TNFRSF21: variants seen among roughly 807,000 people sequenced by gnomAD.
TNFRSF21 encodes tumor necrosis factor receptor superfamily member 21.
Under a neutral mutation model 45.6 loss-of-function variants are expected in TNFRSF21, and 19 were observed. The ratio of observed to expected loss-of-function variants is 0.42; its 90% confidence interval spans 0.29 to 0.61. TNFRSF21 has a LOEUF of 0.61. Among genes scored for constraint, TNFRSF21 ranks in the 20% least tolerant of loss-of-function variants. The pLI, the probability that TNFRSF21 is intolerant of heterozygous loss-of-function variation, is 0.23. For missense variants in TNFRSF21, 737 were observed against 851.5 expected (o/e 0.87, Z 1.67); for synonymous variants, 314 against 335.5 (o/e 0.94, Z 0.70).
chr6:47,232,990 C>T lies in TNFRSF21; in HGVS notation c.1743G>A (p.Lys581=). ...GTACCTGCCGCAACACTGTGTCCTT[C>T]TTTTCTGCAGAGAAGAGAGGGAAGC... ...SRNGSFITKE[K]KDTVLRQVRL... Residue 581 remains lysine (K), a synonymous_variant, in exon 6 of 6, where the codon AAG becomes AAA. Coordinates refer to ENST00000296861, the MANE Select transcript of TNFRSF21 (RefSeq NM_014452.5). The T allele has an allele frequency of 1.2e-6, 2 of 1,614,146 alleles. No individual in the cohort carries two copies. Among genetic ancestry groups the T allele is most frequent in the East Asian group, 2.2e-5 (1 of 44,886 alleles).
At chr6:47,306,371 C>T (rs368448880) in intron 1 of TNFRSF21, among the ~76,000 whole-genome samples, 20 of 152,322 alleles carry the variant, frequency 1.3e-4, no homozygotes, top group Non-Finnish European at 2.5e-4. Context: ...TTGTGAAACA[C>T]GCAGTGTGGC....
chr6:47,254,585 T>C (rs1764953223), intron 3 of TNFRSF21, among the ~76,000 whole-genome samples: 1 of 152,164 alleles, frequency 6.6e-6, no homozygotes, highest in Non-Finnish European at 1.5e-5. Flanking sequence ...CAGAACTGTC[T>C]AGGTAAAAGG....
At chr6:47,254,384 T>C (rs1483220440) in intron 3 of TNFRSF21, among the ~76,000 whole-genome samples, 1 of 152,206 alleles carries the variant, frequency 6.6e-6, no homozygotes, top group Non-Finnish European at 1.5e-5. Context: ...GAATTTCCCA[T>C]TTAGTATTTT....
chr6:47,300,038 C>T (rs896038281), intron 1 of TNFRSF21, among the ~76,000 whole-genome samples: 4 of 152,234 alleles, frequency 2.6e-5, no homozygotes, highest in African/African-American at 9.6e-5. Flanking sequence ...TTCATTAGTG[C>T]TGCTTGCAGT....
chr6:47,277,722 A>C (rs1762517531), intron 3 of TNFRSF21, among the ~76,000 whole-genome samples: 1 of 152,212 alleles, frequency 6.6e-6, no homozygotes, highest in Admixed American at 6.5e-5. Flanking sequence ...CTAACATTAT[A>C]AACAGAGGCC....
intron 1 of TNFRSF21, among the ~76,000 whole-genome samples, chr6:47,289,415 A>C (rs1762690199): frequency 6.6e-6 from 1 of 152,164 alleles, no homozygotes; most frequent in Non-Finnish European, 1.5e-5. Flanking sequence ...TACAGAAAAC[A>C]AATTTTCAGC....
In TNFRSF21 at chr6:47,232,622, TAAAC is replaced by T; in HGVS notation, c.*139_*142del. 3.7e-6 allele frequency: 2 copies of T among 542,830 alleles called. No homozygotes were observed. Among genetic ancestry groups the T allele is most frequent in the East Asian group, 6.2e-5 (2 of 32,248 alleles). 33.6% of individuals were successfully genotyped at this position (542,830 alleles called of 1,614,324 possible). On this transcript the variant is annotated 3_prime_UTR_variant, in exon 6 of 6. Coordinates refer to ENST00000296861, the MANE Select transcript of TNFRSF21 (RefSeq NM_014452.5). The stretch of plus-strand genomic sequence containing the variant: ...CTCAAGCACTGGCCATATTCTCTGT[TAAAC>T]ACACACACACACACACACACACACA...
rs111567807 is a variant in TNFRSF21 at position 47,245,252 on chromosome 6, C to T, written c.1509+8004G>A. Among the ~76,000 whole-genome samples, 864 of 152,290 alleles carry T rather than the reference C, an allele frequency of 5.7e-3. 5 individuals carry two copies. The highest frequency in any genetic ancestry group is 9.5e-3 in the Non-Finnish European group (649 of 68,020). ...TCTCAAGTCTGGCTCACATATCTAT[C>T]CCTCCTATAAAACTGTCAGCATCCT... On this transcript the variant is annotated intron_variant, in intron 4 of 5. Transcript: ENST00000296861.
intron 4 of TNFRSF21, among the ~76,000 whole-genome samples, chr6:47,243,266 T>C (rs1764773397): frequency 6.6e-6 from 1 of 152,092 alleles, no homozygotes; most frequent in Non-Finnish European, 1.5e-5. Context: ...AATATACTCT[T>C]CCAGAGATAG....
At chr6:47,252,721 G>T (rs2113849701) in intron 4 of TNFRSF21, among the ~76,000 whole-genome samples, 1 of 152,190 alleles carries the variant, frequency 6.6e-6, no homozygotes, top group South Asian at 2.1e-4. Flanking sequence ...ACACTCCTGG[G>T]TCCCCTCAGT....
Position 47,234,737 on chromosome 6 carries a change from A to C in TNFRSF21, c.1671T>G (p.Leu557=). 3 of 1,612,028 alleles carry C rather than the reference A, an allele frequency of 1.9e-6. No homozygotes were observed. Among genetic ancestry groups the C allele is most frequent in the Non-Finnish European group, 2.5e-6 (3 of 1,179,210 alleles). ...KGFFVDESEP[L]LRCDSTSSGS... is the part of the protein sequence containing the mutation. ...CGCTGGATGTAGAGTCACAGCGGAG[A>C]AGGGGCTCCGACTCATCCACGAAGA... Residue 557 remains leucine (L), a synonymous_variant, in exon 5 of 6, where the codon CTT becomes CTG. Transcript: ENST00000296861.
At chr6:47,274,312 C>G (rs9791234) in intron 3 of TNFRSF21, among the ~76,000 whole-genome samples, 7 of 151,830 alleles carry the variant, frequency 4.6e-5, no homozygotes, top group Admixed American at 1.3e-4. Context: ...GAACAGAACA[C>G]AGGCCTCAGA....
At chr6:47,303,542 A>G (rs1762901199) in intron 1 of TNFRSF21, among the ~76,000 whole-genome samples, 1 of 152,188 alleles carries the variant, frequency 6.6e-6, no homozygotes, top group African/African-American at 2.4e-5. Flanking sequence ...AAGAACAGTG[A>G]GATCACTACT....
At chr6:47,276,953 T>G (rs997045356) in intron 3 of TNFRSF21, among the ~76,000 whole-genome samples, 2 of 152,168 alleles carry the variant, frequency 1.3e-5, no homozygotes, top group African/African-American at 2.4e-5. Flanking sequence ...AAGGTGGCAG[T>G]GTTGCTCCTA....
At chr6:47,246,024 C>T (rs969897970) in intron 4 of TNFRSF21, among the ~76,000 whole-genome samples, 7 of 152,194 alleles carry the variant, frequency 4.6e-5, no homozygotes, top group Admixed American at 2.0e-4. Flanking sequence ...CCACATGATC[C>T]AGTCACCTCC....
At chr6:47,305,545 C>T (rs919144911) in intron 1 of TNFRSF21, among the ~76,000 whole-genome samples, 4 of 152,228 alleles carry the variant, frequency 2.6e-5, no homozygotes, top group African/African-American at 9.6e-5. Flanking sequence ...CTTCAGCCCC[C>T]ACCAGACCAC....
chr6:47,308,169 AC>A (rs1762966352), intron 1 of TNFRSF21, among the ~76,000 whole-genome samples: 1 of 152,212 alleles, frequency 6.6e-6, no homozygotes, highest in Non-Finnish European at 1.5e-5. Flanking sequence ...ACAGTAACAA[AC>A]TTTTATTTAG....
intron 3 of TNFRSF21, among the ~76,000 whole-genome samples, chr6:47,273,977 G>A (rs1015303865): frequency 3.3e-5 from 5 of 152,096 alleles, no homozygotes; most frequent in African/African-American, 7.2e-5. Context: ...ACTGCTCAAC[G>A]AAATAAGAGG....
intron 4 of TNFRSF21, 88 bp downstream of exon 4, chr6:47,253,168 A>AT: frequency 2.0e-6 from 3 of 1,478,418 alleles, no homozygotes; most frequent in Non-Finnish European, 2.7e-6. Context: ...CGAATATGTT[A>AT]TTTTTCTTTG....
Sources: gnomAD v4.1 joint callset for allele counts (sites outside exome capture counted in the v4.1 genomes callset) on GRCh38, gnomAD v4.1.1 for gene constraint, MANE v1.5 for transcripts, NCBI Gene and HGNC (gene_info 2026-07-23, HGNC 2026-07-21) for gene names.